RBFOX1: variants seen among roughly 807,000 people sequenced by gnomAD.
RBFOX1 encodes RNA binding protein fox-1 homolog 1.
A neutral mutation model predicts 57.7 loss-of-function variants in RBFOX1; 8 were observed. That is an observed-to-expected ratio of 0.14 (90% confidence interval 0.08 to 0.25). The LOEUF is 0.25. RBFOX1 is among the 10% of genes least tolerant of loss of function. The pLI, the probability that RBFOX1 is intolerant of heterozygous loss-of-function variation, is 1.00. For missense variants in RBFOX1, 611 were observed against 548.5 expected (o/e 1.11, Z -1.14); for synonymous variants, 326 against 222.4 (o/e 1.47, Z -4.15).
At chr16:7,266,664 A>G (rs910200713) in intron 4 of RBFOX1, among the ~76,000 whole-genome samples, 1 of 152,222 alleles carries the variant, frequency 6.6e-6, no homozygotes, top group African/African-American at 2.4e-5. Flanking sequence ...ACAATGGTAT[A>G]CAAAATAATG....
intron 4 of RBFOX1, among the ~76,000 whole-genome samples, chr16:7,187,050 C>T (rs1186290911): frequency 6.7e-6 from 1 of 149,934 alleles, no homozygotes; most frequent in Non-Finnish European, 1.5e-5. Flanking sequence ...GTGATGTGGT[C>T]CCAGCTACTT....
At chr16:5,665,189 G>A (rs571318703) in intron 3 of RBFOX1, among the ~76,000 whole-genome samples, 2 of 151,448 alleles carry the variant, frequency 1.3e-5, no homozygotes. Flanking sequence ...GGGCTCAGGC[G>A]ATCCTCCCAC....
At chr16:7,482,299 G>A (rs2064167207) in intron 4 of RBFOX1, among the ~76,000 whole-genome samples, 1 of 152,164 alleles carries the variant, frequency 6.6e-6, no homozygotes, top group African/African-American at 2.4e-5. Context: ...GTAACTCTGT[G>A]AAGTGCTTTA....
In RBFOX1 at chr16:6,965,289, A is replaced by G. The variant is rs186657266; in HGVS notation, c.-15-86768A>G. ...TCAGGACTAGAATGACCAAACATAA[A>G]CAAATCCAATTTCCTTTTTCTTTTG... On this transcript the variant is annotated intron_variant, in intron 3 of 15. Coordinates refer to ENST00000550418, the MANE Select transcript of RBFOX1 (RefSeq NM_018723.4). Among the ~76,000 whole-genome samples, 12 of 151,842 alleles carry G rather than the reference A, an allele frequency of 7.9e-5. No homozygotes were observed. The East Asian group carries it at 1.9e-3, about 25-fold the overall frequency.
chr16:6,900,236 G>A (rs890968752), intron 3 of RBFOX1, among the ~76,000 whole-genome samples: 6 of 152,130 alleles, frequency 3.9e-5, no homozygotes, highest in Admixed American at 6.6e-5. Context: ...ATTTAAGCAC[G>A]TTCAAACATC....
chr16:6,663,698 G>A (rs916055185), intron 3 of RBFOX1, among the ~76,000 whole-genome samples: 10 of 152,182 alleles, frequency 6.6e-5, no homozygotes, highest in Admixed American at 2.0e-4. Context: ...GTTTAAGGCC[G>A]TTAGGCATAT....
chr16:6,233,298 T>G (rs11649244), intron 1 of RBFOX1, among the ~76,000 whole-genome samples: 30,052 of 152,032 alleles, frequency 0.2, 3,737 homozygotes, highest in East Asian at 0.45. Context: ...TAAGACATGA[T>G]TGCAGGGTGA....
At chr16:7,379,924 C>T (rs373931710) in intron 4 of RBFOX1, among the ~76,000 whole-genome samples, 169 of 152,238 alleles carry the variant, frequency 1.1e-3, no homozygotes, top group African/African-American at 3.7e-3. Flanking sequence ...ACCATCATAT[C>T]TCACCCCACA....
intron 4 of RBFOX1, among the ~76,000 whole-genome samples, chr16:5,892,436 C>G (rs1292069862): frequency 3.3e-5 from 5 of 152,036 alleles, no homozygotes; most frequent in Non-Finnish European, 4.4e-5. Context: ...CATCTCTAGA[C>G]TAGGGGTAAT....
intron 2 of RBFOX1, among the ~76,000 whole-genome samples, chr16:6,346,052 G>T (rs896386503): frequency 3.7e-4 from 56 of 152,312 alleles, no homozygotes; most frequent in African/African-American, 1.2e-3. Context: ...AGGCAATCAG[G>T]TATGCATTTA....
chr16:6,825,773 C>A (rs559360586), intron 3 of RBFOX1, among the ~76,000 whole-genome samples: 21 of 152,054 alleles, frequency 1.4e-4, no homozygotes, highest in Non-Finnish European at 2.2e-4. Flanking sequence ...CCTGAAGACA[C>A]GCAGCTAATG....
intron 4 of RBFOX1, among the ~76,000 whole-genome samples, chr16:7,439,036 A>C (rs530565516): frequency 6.6e-6 from 1 of 152,238 alleles, no homozygotes; most frequent in South Asian, 2.1e-4. Flanking sequence ...AGCGGAAACC[A>C]CCGCACTTTG....
intron 2 of RBFOX1, among the ~76,000 whole-genome samples, chr16:6,433,595 G>A (rs527322757): frequency 5.6e-4 from 86 of 152,306 alleles, no homozygotes; most frequent in Non-Finnish European, 1.0e-3. Flanking sequence ...CCTTATGAAC[G>A]TATTATCCTC....
At chr16:5,819,940 A>G (rs1186607927) in intron 3 of RBFOX1, among the ~76,000 whole-genome samples, 2 of 152,060 alleles carry the variant, frequency 1.3e-5, no homozygotes, top group Non-Finnish European at 2.9e-5. Context: ...GCTGGCCTTT[A>G]TCGTCGCATC....
At chr16:5,413,913 A>T (rs142727938) in intron 1 of RBFOX1, among the ~76,000 whole-genome samples, 110 of 152,254 alleles carry the variant, frequency 7.2e-4, no homozygotes, top group Non-Finnish European at 1.3e-3. Flanking sequence ...CATGTTCCTG[A>T]AAGCTCATGA....
At chr16:6,648,459 C>G (rs1181929576) in intron 2 of RBFOX1, among the ~76,000 whole-genome samples, 1 of 152,142 alleles carries the variant, frequency 6.6e-6, no homozygotes, top group East Asian at 1.9e-4. Flanking sequence ...TGCTGAAGGA[C>G]CGCATGGTTA....
intron 1 of RBFOX1, among the ~76,000 whole-genome samples, chr16:6,098,791 G>C (rs776760363): frequency 6.6e-6 from 1 of 152,168 alleles, no homozygotes; most frequent in Non-Finnish European, 1.5e-5. Flanking sequence ...GGGACTCTGA[G>C]ACACACCCAT....
At chr16:6,856,591 G>A (rs1389416075) in intron 3 of RBFOX1, among the ~76,000 whole-genome samples, 1 of 152,052 alleles carries the variant, frequency 6.6e-6, no homozygotes, top group Non-Finnish European at 1.5e-5. Flanking sequence ...GTCCCTTCAG[G>A]CCACCGTGGA....
At chr16:5,258,809 G>A (rs1288835122) in intron 1 of RBFOX1, among the ~76,000 whole-genome samples, 2 of 151,996 alleles carry the variant, frequency 1.3e-5, no homozygotes, top group Admixed American at 6.6e-5. Flanking sequence ...CCACCTACTC[G>A]GGAGGCTGAG....
Sources: gnomAD v4.1 joint callset for allele counts (sites outside exome capture counted in the v4.1 genomes callset) on GRCh38, gnomAD v4.1.1 for gene constraint, MANE v1.5 for transcripts, NCBI Gene and HGNC (gene_info 2026-07-23, HGNC 2026-07-21) for gene names.